CCND3: variants seen among roughly 807,000 people sequenced by gnomAD.
The protein encoded by CCND3 is G1/S-specific cyclin-D3.
In CCND3, 9 loss-of-function variants were observed where a neutral mutation model predicts 28.7. That is an observed-to-expected ratio of 0.31 (90% CI 0.19 to 0.55). The LOEUF (loss-of-function observed/expected upper bound fraction) is 0.55. CCND3 is among the 20% of genes least tolerant of loss of function. The pLI, the probability that CCND3 is intolerant of heterozygous loss-of-function variation, is 0.93. For synonymous variants in CCND3, 164 were observed against 163.9 expected, an observed-to-expected ratio of 1.00 and a Z score of 0.00; for missense variants, 315 against 385.8, an observed-to-expected ratio of 0.82 and a Z score of 1.54.
rs758483344 is a variant in CCND3, at chr6:41,941,685, C to A, written c.-36G>T. The stretch of plus-strand genomic sequence containing the variant: ...CGAACAGGCAGGGCGGGAGTGCGGG[C>A]TCGCGAGTCCCAAGGCAGGCGACGG... On this transcript the variant is annotated 5_prime_UTR_variant, in exon 1 of 5. Coordinates refer to ENST00000372991, the MANE Select transcript of CCND3 (RefSeq NM_001760.5). This position sits in a 1 kb window ranked among gnomAD's most constrained non-coding sequence, Gnocchi z 6.1. The A allele has an allele frequency of 2.3e-5, 31 of 1,329,042 alleles. No homozygotes were observed. In the South Asian group the frequency reaches 5.6e-4, roughly 24 times the overall value. The allele number at this position is 1,329,042 out of a possible 1,614,324, so 82.3% of individuals were successfully genotyped here. A position where few individuals can be genotyped will look rare whatever the true frequency, so the allele number is the denominator to read the frequency against.
At chr6:42,025,287 C>T (rs1763842135) in intron 1 of CCND3, among the ~76,000 whole-genome samples, 1 of 152,134 alleles carries the variant, frequency 6.6e-6, no homozygotes, top group South Asian at 2.1e-4. Flanking sequence ...GGAAGCCAAG[C>T]CCCAGGGAGA....
chr6:41,978,959 G>T (rs562721447), intron 1 of CCND3, among the ~76,000 whole-genome samples: 4 of 151,526 alleles, frequency 2.6e-5, no homozygotes, highest in African/African-American at 9.7e-5. Flanking sequence ...ATTACCTGAG[G>T]TCAGGAGTTC....
chr6:41,996,555 C>T (rs1249967038), intron 1 of CCND3, among the ~76,000 whole-genome samples: 1 of 152,116 alleles, frequency 6.6e-6, no homozygotes, highest in East Asian at 1.9e-4. Flanking sequence ...AGACTGCTCA[C>T]TTTTATCTAC....
rs1775930219 is a variant in CCND3, at chr6:41,939,780, G to A, written c.414+590C>T. 6.6e-6 allele frequency among the ~76,000 whole-genome samples: 1 copy of A among 152,184 alleles called. No individual in the cohort carries two copies. Among genetic ancestry groups the A allele is most frequent in the Non-Finnish European group, 1.5e-5 (1 of 68,030 alleles). On this transcript the variant is annotated intron_variant, in intron 2 of 4. Transcript: ENST00000372991. This position sits in a 1 kb window ranked among gnomAD's most constrained non-coding sequence, Gnocchi z 4.2. ...TCCAGTTCCTCAGAATGAGGACGAG[G>A]AAGGATTAGGAAGAAGCTGTTTCTT... is the stretch of plus-strand genomic sequence containing the variant.
intron 1 of CCND3, among the ~76,000 whole-genome samples, chr6:42,040,661 G>A (rs1262473889): frequency 6.6e-6 from 1 of 151,984 alleles, no homozygotes; most frequent in Non-Finnish European, 1.5e-5. Flanking sequence ...AGACCAGACT[G>A]GCCAACATGG....
intron 1 of CCND3, among the ~76,000 whole-genome samples, chr6:41,951,157 G>A (rs1273803950): frequency 6.6e-6 from 1 of 152,098 alleles, no homozygotes; most frequent in Non-Finnish European, 1.5e-5. Context: ...TTGTGTGACA[G>A]GAAGGGTGGG....
At chr6:42,012,992 C>G (rs778921378) in intron 1 of CCND3, among the ~76,000 whole-genome samples, 1 of 152,152 alleles carries the variant, frequency 6.6e-6, no homozygotes, top group Non-Finnish European at 1.5e-5. Flanking sequence ...CTTCCTGGAG[C>G]CTCTACCCAC....
chr6:42,041,589 A>G (rs566195882), intron 1 of CCND3, among the ~76,000 whole-genome samples: 17 of 152,170 alleles, frequency 1.1e-4, no homozygotes, highest in Non-Finnish European at 2.2e-4. Context: ...GAGGAAAGGA[A>G]AAGGCAGCCT....
intron 1 of CCND3, among the ~76,000 whole-genome samples, chr6:42,019,413 C>T (rs542524825): frequency 9.2e-5 from 13 of 140,848 alleles, no homozygotes; most frequent in Admixed American, 3.8e-4. Context: ...TGCTTGAACC[C>T]GGGAGATGGA....
At chr6:41,949,537 C>T (rs931393704) in intron 1 of CCND3, among the ~76,000 whole-genome samples, 1 of 152,124 alleles carries the variant, frequency 6.6e-6, no homozygotes, top group East Asian at 1.9e-4. Flanking sequence ...GGCGCAGTGG[C>T]TCACACCTGT....
intron 1 of CCND3, among the ~76,000 whole-genome samples, chr6:42,046,442 A>G (rs1224033152): frequency 1.3e-5 from 2 of 152,146 alleles, no homozygotes; most frequent in Non-Finnish European, 2.9e-5. Flanking sequence ...CTAGAATGTG[A>G]GCATCTCTGC....
In CCND3 at chr6:41,936,600, C is replaced by T. The variant is rs1582081454; in HGVS notation, c.670G>A (p.Glu224Lys). The T allele has an allele frequency of 7.4e-6, 12 of 1,614,084 alleles. No individual in the cohort carries two copies. The East Asian group carries it at 2.7e-4, about 36-fold the overall frequency. Residue 224 changes from glutamate (E) to lysine (K), a missense_variant, in exon 4 of 5, where the codon GAG (glutamate) becomes AAG (lysine). Glu to Lys is a moderately conservative substitution (Grantham distance 56, BLOSUM62 1). Transcript: ENST00000372991. The surrounding 1 kb of genome is among the most constrained non-coding windows in gnomAD (Gnocchi z 4.4). ...ATCCCTGCCAGCAGCTCTGTGAGCT[C>T]ATCCCCGGACATGGAGCAGGCACCC... ...GLGACSMSGD[E>K]LTELLAGITG...
rs185875676 is a variant in CCND3 at position 41,952,013 on chromosome 6, C to G, written c.-45-11428G>C. Among the ~76,000 whole-genome samples, 201 of 152,222 alleles carry G rather than the reference C, an allele frequency of 1.3e-3. 2 individuals are homozygous for G. Among genetic ancestry groups the G allele is most frequent in the Middle Eastern group, 3.4e-3 (1 of 294 alleles). On this transcript the variant is annotated intron_variant, in intron 1 of 4. Transcript: ENST00000372988. ...CTGACCTCAGGTGATCCACCCGCCT[C>G]GGCCTCCCAACGTGCTGGGATTACA... is the stretch of plus-strand genomic sequence containing the variant.
In CCND3 at chr6:41,940,354, G is replaced by A. The variant is rs771860300; in HGVS notation, c.414+16C>T. On this transcript the variant is annotated intron_variant, in intron 2 of 4. Transcript: ENST00000372991. ...GAGACAATACGTGTCGGGGGTGGGGGGAGTTACACACGCACCCGCAACTGG... is the reference window on the plus strand; with the variant it reads ...GAGACAATACGTGTCGGGGGTGGGGAGAGTTACACACGCACCCGCAACTGG... The A allele has an allele frequency of 6.3e-7, 1 of 1,598,044 alleles. No individual in the cohort carries two copies. The highest frequency in any genetic ancestry group is 1.3e-5 in the African/African-American group (1 of 74,722).
In CCND3 at chr6:41,939,161, A is replaced by G. The variant is rs537219598; in HGVS notation, c.414+1209T>C. Among the ~76,000 whole-genome samples the G allele has an allele frequency of 1.1e-4, 16 of 152,064 alleles. No homozygotes were observed. Among genetic ancestry groups the G allele is most frequent in the African/African-American group, 3.6e-4 (15 of 41,488 alleles). On this transcript the variant is annotated intron_variant, in intron 2 of 4. Coordinates refer to ENST00000372991, the MANE Select transcript of CCND3 (RefSeq NM_001760.5). This position sits in a 1 kb window ranked among gnomAD's most constrained non-coding sequence, Gnocchi z 4.2. ...AGCTGTGGCGCCTCCTGGATTCCCA[A>G]CTCTGGCCTCCTACTCCCATCTCTG...
chr6:42,038,035 A>G (rs1324069599), intron 1 of CCND3, among the ~76,000 whole-genome samples: 1 of 151,496 alleles, frequency 6.6e-6, no homozygotes, highest in Admixed American at 6.6e-5. Flanking sequence ...GGTCTCAAAA[A>G]AAAAAAAAAA....
chr6:41,977,253 T>TG (rs1323567897), intron 1 of CCND3, among the ~76,000 whole-genome samples: 1 of 152,198 alleles, frequency 6.6e-6, no homozygotes, highest in Non-Finnish European at 1.5e-5. Context: ...GTAAGGTTGT[T>TG]GCCAAGTAAG....
chr6:41,977,174 A>C (rs889255599), intron 1 of CCND3, among the ~76,000 whole-genome samples: 1 of 152,148 alleles, frequency 6.6e-6, no homozygotes, highest in Non-Finnish European at 1.5e-5. Context: ...TTTTCCCCAC[A>C]ACCATACTTC....
chr6:42,003,525 CAAAAAAAAAAAAAAAAAA>C (rs61494473), intron 1 of CCND3, among the ~76,000 whole-genome samples: 1 of 73,520 alleles, frequency 1.4e-5, no homozygotes, highest in African/African-American at 8.1e-5. Context: ...GACTCTGTCT[CAAAAAAAAAAAAAAAAAA>C]AAAAAAAAAA....
Sources: allele counts gnomAD v4.1 joint callset (sites outside exome capture counted in the v4.1 genomes callset), GRCh38; gene constraint gnomAD v4.1.1; non-coding constraint Gnocchi (gnomAD v3.1); transcripts MANE v1.5; gene names NCBI Gene and HGNC (gene_info 2026-07-23, HGNC 2026-07-21).